The following PCSK2 variants were observed in gnomAD, a reference collection of about 807,000 sequenced individuals.
The protein encoded by PCSK2 is proprotein convertase subtilisin/kexin type 2, also known as neuroendocrine convertase 2.
A neutral mutation model predicts 69.7 loss-of-function variants in PCSK2; 14 were observed. The ratio of observed to expected loss-of-function variants is 0.20; its 90% CI spans 0.13 to 0.31. The LOEUF (loss-of-function observed/expected upper bound fraction) is 0.31, where lower values mean the gene tolerates loss of function less well. PCSK2 is among the 10% of genes least tolerant of loss of function. The pLI is 1.00. For missense variants in PCSK2, 544 were observed against 842.5 expected (o/e 0.65, Z 4.39); for synonymous variants, 307 against 320.7 (o/e 0.96, Z 0.46).
intron 1 of PCSK2, among the ~76,000 whole-genome samples, chr20:17,234,358 A>C (rs78422616): frequency 6.6e-6 from 1 of 152,224 alleles, no homozygotes; most frequent in Non-Finnish European, 1.5e-5. Context: ...GTGCTCCTTG[A>C]CTATGACTAC....
At chr20:17,276,744 A>C (rs567773513) in intron 2 of PCSK2, among the ~76,000 whole-genome samples, 95 of 152,310 alleles carry the variant, frequency 6.2e-4, no homozygotes, top group African/African-American at 2.2e-3. Context: ...AAGGAAATAA[A>C]GGGCATTCAA....
In PCSK2 at chr20:17,442,220, G is replaced by T. The variant is rs376464267; in HGVS notation, c.885+5337G>T. On this transcript the variant is annotated intron_variant, in intron 8 of 11. Transcript: ENST00000262545. ...CTAGGAATGGAATTGAATCTATTAT[G>T]TCTCCAGAACTTCTAGAGATGGATT... 2.6e-5 allele frequency among the ~76,000 whole-genome samples: 4 copies of T among 151,646 alleles called. No homozygotes were observed. The East Asian group carries it at 5.9e-4, about 22-fold the overall frequency.
At chr20:17,408,801 C>A (rs1159137889) in intron 5 of PCSK2, among the ~76,000 whole-genome samples, 1 of 152,194 alleles carries the variant, frequency 6.6e-6, no homozygotes, top group African/African-American at 2.4e-5. Flanking sequence ...CCAGCCTATG[C>A]TAGTCTGAAG....
intron 2 of PCSK2, among the ~76,000 whole-genome samples, chr20:17,287,559 C>G (rs562581434): frequency 2.0e-5 from 3 of 152,086 alleles, no homozygotes; most frequent in African/African-American, 7.2e-5. Flanking sequence ...TCTGCTCAAG[C>G]ATAGGAGCAA....
chr20:17,290,886 G>A (rs953945479), intron 2 of PCSK2, among the ~76,000 whole-genome samples: 1 of 152,118 alleles, frequency 6.6e-6, no homozygotes, highest in Non-Finnish European at 1.5e-5. Context: ...ATGTGAGATA[G>A]CGAGAGGAAA....
chr20:17,421,807 T>TAAAAAAAAAAAAA (rs56376793), intron 6 of PCSK2, among the ~76,000 whole-genome samples: 5 of 78,972 alleles, frequency 6.3e-5, no homozygotes, highest in Non-Finnish European at 9.1e-5. Flanking sequence ...GGAAGAGAGG[T>TAAAAAAAAAAAAA]AAAAAAAAAA....
intron 2 of PCSK2, among the ~76,000 whole-genome samples, chr20:17,273,143 G>A (rs940238675): frequency 3.9e-5 from 6 of 152,226 alleles, no homozygotes; most frequent in African/African-American, 1.4e-4. Context: ...ACTTAATAAA[G>A]TGATTTCCTT....
Position 17,227,530 on chromosome 20 carries a change from G to C in PCSK2, c.177+48G>C, listed in dbSNP as rs138306807. 3,955 of 1,474,736 alleles carry C rather than the reference G, an allele frequency of 2.7e-3. 10 individuals carry two copies. The highest frequency in any genetic ancestry group is 3.4e-3 in the Non-Finnish European group (3,619 of 1,060,294). 91.4% of individuals were successfully genotyped at this position (1,474,736 alleles called of 1,614,324 possible). ...CATGTTGTTTCAAAACGGGGGGACG[G>C]GGGGGCAGCCCTGCGCAATCTCATT... On this transcript the variant is annotated intron_variant, in intron 1 of 11. Transcript: ENST00000262545.
At chr20:17,264,109 T>C (rs1426207212) in intron 2 of PCSK2, among the ~76,000 whole-genome samples, 1 of 152,154 alleles carries the variant, frequency 6.6e-6, no homozygotes, top group Non-Finnish European at 1.5e-5. Flanking sequence ...AATATTTGCT[T>C]CCCAGCTCTG....
intron 1 of PCSK2, among the ~76,000 whole-genome samples, chr20:17,250,854 CT>C (rs1034218941): frequency 6.6e-6 from 1 of 152,130 alleles, no homozygotes; most frequent in Non-Finnish European, 1.5e-5. Flanking sequence ...AATCCCAGCA[CT>C]TTAGGAGGTC....
chr20:17,392,877 T>C (rs901784428), intron 5 of PCSK2, among the ~76,000 whole-genome samples: 2 of 152,036 alleles, frequency 1.3e-5, no homozygotes, highest in African/African-American at 4.8e-5. Context: ...AAAATCGTTA[T>C]ATACATCTAC....
intron 10 of PCSK2, among the ~76,000 whole-genome samples, chr20:17,459,001 A>C (rs1205728639): frequency 6.6e-6 from 1 of 152,170 alleles, no homozygotes; most frequent in Non-Finnish European, 1.5e-5. Context: ...TAGATGTCAT[A>C]AGAAGATCAG....
chr20:17,393,229 TG>T (rs1013306300), intron 5 of PCSK2, among the ~76,000 whole-genome samples: 6 of 152,190 alleles, frequency 3.9e-5, no homozygotes, highest in African/African-American at 1.4e-4. Context: ...TTAGGTCTCG[TG>T]TCAAGCTAAG....
chr20:17,244,020 A>G (rs538914727), intron 1 of PCSK2, among the ~76,000 whole-genome samples: 1 of 152,338 alleles, frequency 6.6e-6, no homozygotes, highest in Non-Finnish European at 1.5e-5. Context: ...ATGTCTGTAA[A>G]TTAGAAAATG....
intron 1 of PCSK2, among the ~76,000 whole-genome samples, chr20:17,240,358 G>A (rs1157243592): frequency 6.6e-6 from 1 of 152,098 alleles, no homozygotes; most frequent in African/African-American, 2.4e-5. Flanking sequence ...CCATCAAAGG[G>A]TGAGGAGGCT....
At chr20:17,343,622 C>A (rs906866667) in intron 2 of PCSK2, among the ~76,000 whole-genome samples, 1 of 152,150 alleles carries the variant, frequency 6.6e-6, no homozygotes, top group East Asian at 1.9e-4. Context: ...AGGTTTTAGA[C>A]GAAATGAAAG....
rs867555857 is a variant in PCSK2 at position 17,360,780 on chromosome 20, C to A, written c.505+140C>A. The A allele has an allele frequency of 5.2e-6, 3 of 581,800 alleles. No individual in the cohort carries two copies. In the Middle Eastern group the frequency reaches 8.3e-4, roughly 161 times the overall value. The allele number at this position is 581,800 out of a possible 1,614,324, so 36.0% of individuals were successfully genotyped here. On this transcript the variant is annotated intron_variant, in intron 4 of 11. Transcript: ENST00000262545. The stretch of plus-strand genomic sequence containing the variant: ...GGCATGATGGCCACACTGCACTGTG[C>A]CCAGATCTTCACCTTTCTTCCAATC...
intron 5 of PCSK2, 76 bp downstream of exon 5, chr20:17,369,353 C>A: frequency 2.7e-6 from 3 of 1,121,650 alleles, no homozygotes; most frequent in Non-Finnish European, 4.1e-6. Context: ...TAGGAACATG[C>A]ACATGTCTAC....
intron 5 of PCSK2, among the ~76,000 whole-genome samples, chr20:17,401,843 A>G (rs2031644122): frequency 1.3e-5 from 2 of 152,160 alleles, no homozygotes; most frequent in Admixed American, 1.3e-4. Context: ...GGCTAGTGCA[A>G]ATAACAATGT....
Sources: gnomAD v4.1 joint callset for allele counts (sites outside exome capture counted in the v4.1 genomes callset) on GRCh38, gnomAD v4.1.1 for gene constraint, MANE v1.5 for transcripts, NCBI Gene and HGNC (gene_info 2026-07-23, HGNC 2026-07-21) for gene names.